The following NCF2 variants were observed in gnomAD, a reference collection of about 807,000 sequenced individuals.
The protein encoded by NCF2 is neutrophil cytosolic factor 2.
Under a neutral mutation model 70.9 loss-of-function variants are expected in NCF2, and 45 were observed. The observed-to-expected ratio is 0.63, with a 90% confidence interval of 0.50 to 0.81. NCF2 has a LOEUF of 0.81. Ranked by LOEUF, NCF2 falls within the 40% of genes least tolerant of loss-of-function variation. NCF2 has a pLI of 0.00. For missense variants in NCF2, 522 were observed against 631.6 expected, an observed-to-expected ratio of 0.83 and a Z score of 1.86; for synonymous variants, 203 against 233.6, an observed-to-expected ratio of 0.87 and a Z score of 1.19.
chr1:183,583,842 G>A (rs983412049), intron 2 of NCF2, among the ~76,000 whole-genome samples: 7 of 152,212 alleles, frequency 4.6e-5, no homozygotes, highest in African/African-American at 1.7e-4. Context: ...AGTCATGGAA[G>A]CCACTGGAAG....
At chr1:183,595,948 A>T in the NCF2 span, among the ~76,000 whole-genome samples, 1 of 152,180 alleles carries the variant, frequency 6.6e-6, no homozygotes, top group Admixed American at 6.5e-5. Flanking sequence ...GCCACACCTC[A>T]GCAGCTCCAG....
chr1:183,558,586 G>C (rs1456437667), intron 14 of NCF2, among the ~76,000 whole-genome samples: 1 of 150,828 alleles, frequency 6.6e-6, no homozygotes, highest in Admixed American at 6.6e-5. Context: ...TTTTTTTTAA[G>C]ACAGAGTCTC....
intron 10 of NCF2, among the ~76,000 whole-genome samples, chr1:183,564,449 GT>G (rs1558093181): frequency 6.6e-6 from 1 of 152,172 alleles, no homozygotes; most frequent in African/African-American, 2.4e-5. Context: ...GTTTCCTAAA[GT>G]TTATTAATTT....
rs752500413 is a variant in NCF2, at chr1:183,574,365, A to G, written c.501+122T>C. 44 of 1,385,266 alleles carry G rather than the reference A, an allele frequency of 3.2e-5. No homozygotes were observed. The South Asian group carries it at 4.3e-4, about 14-fold the overall frequency. 85.8% of individuals were successfully genotyped at this position (1,385,266 alleles called of 1,614,324 possible). A position where few individuals can be genotyped will look rare whatever the true frequency, so the allele number is the denominator to read the frequency against. On this transcript the variant is annotated intron_variant, in intron 4 of 14. Coordinates refer to ENST00000367535, the MANE Select transcript of NCF2 (RefSeq NM_000433.4). ...TTAAGTGGAACTATACCCTAAGATC[A>G]GTGTTACCCAGACTCACAGAAAGTA...
rs568365875 is a variant in NCF2, at chr1:183,574,738, C to G, written c.367-117G>C. 1.2e-5 allele frequency: 15 copies of G among 1,248,266 alleles called. No individual in the cohort carries two copies. The East Asian group carries it at 2.6e-4, about 22-fold the overall frequency. 77.3% of individuals were successfully genotyped at this position (1,248,266 alleles called of 1,614,324 possible). ...CTGGTAGCCTTTCTCCCTTTCTCAG[C>G]TCTCCTGGGAATATCTAAAATATAG... On this transcript the variant is annotated intron_variant, in intron 3 of 14. Transcript: ENST00000367535.
Position 183,569,410 on chromosome 1 carries a change from C to T in NCF2, c.670-225G>A, listed in dbSNP as rs867062226. On this transcript the variant is annotated intron_variant, in intron 6 of 14. Coordinates refer to ENST00000367535, the MANE Select transcript of NCF2 (RefSeq NM_000433.4). ...TCCCCAGGTACAGGTTTCACTAGCA[C>T]AGCAATTCATTTTGAGCCAGAGCTA... Among the ~76,000 whole-genome samples the T allele has an allele frequency of 3.3e-4, 51 of 152,298 alleles. No homozygotes were observed. The Middle Eastern group carries it at 0.014, about 41-fold the overall frequency.
At chr1:183,585,159 GCT>G (rs1325103854) in intron 2 of NCF2, among the ~76,000 whole-genome samples, 4 of 152,094 alleles carry the variant, frequency 2.6e-5, no homozygotes, top group African/African-American at 9.7e-5. Context: ...GGTTTTACAG[GCT>G]CTGTTTCTGA....
chr1:183,592,761 C>A (rs1673710193), upstream of NCF2, among the ~76,000 whole-genome samples: 1 of 152,180 alleles, frequency 6.6e-6, no homozygotes, highest in Non-Finnish European at 1.5e-5. Context: ...TATTATCCCA[C>A]CCTGACACTC....
At chr1:183,587,320 G>A (rs553961926) in intron 1 of NCF2, among the ~76,000 whole-genome samples, 1 of 152,106 alleles carries the variant, frequency 6.6e-6, no homozygotes, top group Non-Finnish European at 1.5e-5. Context: ...ATTCCCAGGT[G>A]CGGTTGCTCA....
At chr1:183,565,911 G>A in intron 9 of NCF2, 132 bp from the exon 10 acceptor site, 2 of 871,698 alleles carry the variant, frequency 2.3e-6, no homozygotes, top group Non-Finnish European at 1.9e-6. Context: ...AAGTTGGAAT[G>A]GTAGTGACAT....
At chr1:183,560,514 T>C (rs1188127910) in intron 13 of NCF2, among the ~76,000 whole-genome samples, 3 of 152,086 alleles carry the variant, frequency 2.0e-5, no homozygotes, top group Non-Finnish European at 2.9e-5. Context: ...AGATGAATGG[T>C]GGTGGGTGGT....
At chr1:183,593,603 C>T (rs1248998699), upstream of NCF2, among the ~76,000 whole-genome samples, 1 of 152,222 alleles carries the variant, frequency 6.6e-6, no homozygotes, top group Non-Finnish European at 1.5e-5. Flanking sequence ...CTAGTTCCTA[C>T]TCATCTTTCA....
upstream of NCF2, among the ~76,000 whole-genome samples, chr1:183,592,627 G>C (rs1673705302): frequency 1.3e-5 from 2 of 152,162 alleles, no homozygotes. Context: ...GCAGAAAGAG[G>C]TATTGCTATT....
At chr1:183,567,398 G>A (rs774004164) in intron 7 of NCF2, 53 bp from the exon 8 acceptor site, 31 of 1,610,272 alleles carry the variant, frequency 1.9e-5, no homozygotes, top group Admixed American at 1.5e-4. Context: ...TGATGCCATG[G>A]CGCAAATACA....
chr1:183,599,423 C>CTTCCTTCTTTCTTTCTTTCT, the NCF2 span, among the ~76,000 whole-genome samples: 175 of 107,506 alleles, frequency 1.6e-3, 5 homozygotes, highest in African/African-American at 6.2e-3. Context: ...TCTTTCTTTC[C>CTTCCTTCTTTCTTTCTTTCT]TTCTTTCTTT....
intron 10 of NCF2, 22 bp downstream of exon 10, chr1:183,565,681 GC>G (rs1259219632): frequency 6.2e-7 from 1 of 1,609,128 alleles, no homozygotes; most frequent in Non-Finnish European, 8.5e-7. Context: ...CCAGACCTAG[GC>G]TGTGGCTCCA....
rs1298248241 is a variant in NCF2, at chr1:183,566,858, C to T, written c.924+62G>A. The T allele has an allele frequency of 1.1e-5, 17 of 1,598,638 alleles. No homozygotes were observed. In the East Asian group the frequency reaches 3.8e-4, roughly 36 times the overall value. On this transcript the variant is annotated intron_variant, in intron 9 of 14. Coordinates refer to ENST00000367535, the MANE Select transcript of NCF2 (RefSeq NM_000433.4). Reference sequence around the variant, plus strand: ...ACACCTCTTTTACACTGCTTTTCTCCCCTCCAGGGAGAGATCCCTAAAGGG... The same window carrying T: ...ACACCTCTTTTACACTGCTTTTCTCTCCTCCAGGGAGAGATCCCTAAAGGG...
the NCF2 span, among the ~76,000 whole-genome samples, chr1:183,596,665 C>A: frequency 1.8e-3 from 274 of 152,032 alleles, 6 homozygotes; most frequent in East Asian, 0.042. Context: ...TCTCTTGGAC[C>A]TGGCAGGCAG....
chr1:183,597,581 C>T, the NCF2 span, among the ~76,000 whole-genome samples: 11 of 152,086 alleles, frequency 7.2e-5, no homozygotes, highest in East Asian at 1.9e-4. Flanking sequence ...ACATAGTACC[C>T]GATAGGTGGT....
Sources: allele counts gnomAD v4.1 joint callset (sites outside exome capture counted in the v4.1 genomes callset), GRCh38; gene constraint gnomAD v4.1.1; transcripts MANE v1.5; gene names NCBI Gene and HGNC (gene_info 2026-07-23, HGNC 2026-07-21).